ERMAP: variants seen among roughly 807,000 people sequenced by gnomAD.
ERMAP encodes the protein erythroblast membrane associated protein (Scianna blood group), also known as erythroid membrane-associated protein.
ERMAP carries 34 observed loss-of-function variants against 49.5 expected under a neutral mutation model. That is an observed-to-expected ratio of 0.69 (90% confidence interval 0.52 to 0.91). The LOEUF (loss-of-function observed/expected upper bound fraction) is 0.91. ERMAP is among the 40% of genes least tolerant of loss of function. The pLI is 0.00. For synonymous variants in ERMAP, 214 were observed against 232.2 expected, an observed-to-expected ratio of 0.92 and a Z score of 0.71; for missense variants, 541 against 582.6, an observed-to-expected ratio of 0.93 and a Z score of 0.74.
Position 42,819,168 on chromosome 1 carries a change from AGCGTGT to A in ERMAP, c.-122+1917_-122+1922del, listed in dbSNP as rs2124271484. ...ACGGTGAGGAAGAGGATAAGTTAGG[AGCGTGT>A]GTGTGTGTGTGTGTGTGTGTGTGTG... is the stretch of plus-strand genomic sequence containing the variant. On this transcript the variant is annotated intron_variant, in intron 1 of 11. Transcript: ENST00000372517. This position sits in a 1 kb window ranked among gnomAD's most constrained non-coding sequence, Gnocchi z 5.1. Among the ~76,000 whole-genome samples, 1 of 94,344 alleles carries A rather than the reference AGCGTGT, an allele frequency of 1.1e-5. No individual in the cohort carries two copies. The highest frequency in any genetic ancestry group is 1.3e-4 in the Admixed American group (1 of 7,416). The allele number at this position is 94,344 out of a possible 152,430, so 61.9% of individuals were successfully genotyped here.
At chr1:42,825,889 C>A in intron 2 of ERMAP, 151 bp downstream of exon 2, 1 of 929,940 alleles carries the variant, frequency 1.1e-6, no homozygotes, top group Non-Finnish European at 1.4e-6. Flanking sequence ...TAAAGAAACA[C>A]AAAAGGAGAC....
Position 42,843,036 on chromosome 1 carries a change from T to A in ERMAP, c.1232T>A (p.Ile411Asn). The stretch of plus-strand genomic sequence containing the variant: ...GGAAAAAACACAGCACCTCTAGTCA[T>A]TTGTTCAGAACTACACAAATCAGAG... ...DGGKNTAPLV[I>N]CSELHKSEES... The change falls in exon 12 of 12, where the codon ATT (isoleucine) becomes AAT (asparagine). Residue 411 changes from isoleucine to asparagine, a missense_variant. Ile to Asn is a moderately radical substitution (Grantham distance 149). Coordinates refer to ENST00000372517, the MANE Select transcript of ERMAP (RefSeq NM_001017922.2). 2 of 1,614,150 alleles carry A rather than the reference T, an allele frequency of 1.2e-6. No homozygotes were observed. The highest frequency in any genetic ancestry group is 1.7e-6 in the Non-Finnish European group (2 of 1,180,024).
Position 42,823,948 on chromosome 1 carries a change from T to G in ERMAP, c.-121-1675T>G, listed in dbSNP as rs192532669. ...ATGATGAATGTAGTTTTAACCTGGA[T>G]GATAGGGCCTCAGGGACTTCAAGTG... On this transcript the variant is annotated intron_variant, in intron 1 of 11. Transcript: ENST00000372517. 9.5e-4 allele frequency among the ~76,000 whole-genome samples: 144 copies of G among 152,328 alleles called. 1 individual carries two copies. Among genetic ancestry groups the G allele is most frequent in the Non-Finnish European group, 1.8e-3 (124 of 68,034 alleles).
chr1:42,829,337 C>A (rs1654645952), intron 2 of ERMAP, among the ~76,000 whole-genome samples: 1 of 152,234 alleles, frequency 6.6e-6, no homozygotes, highest in Non-Finnish European at 1.5e-5. Flanking sequence ...CCCTTTGACA[C>A]CCCCTCCGTG....
At chr1:42,839,448 TA>T (rs1236900659) in intron 8 of ERMAP, 1 of 167,342 alleles carries the variant, frequency 6.0e-6, no homozygotes, top group Non-Finnish European at 1.3e-5. Flanking sequence ...CCGTCTCTAT[TA>T]AAAATACAAA....
Position 42,830,933 on chromosome 1 carries a change from A to C in ERMAP, c.251A>C (p.Lys84Thr), listed in dbSNP as rs201143776. 152 of 1,614,082 alleles carry C rather than the reference A, an allele frequency of 9.4e-5. No individual in the cohort carries two copies. The highest frequency in any genetic ancestry group is 1.2e-4 in the Non-Finnish European group (145 of 1,180,036). ...GCTGTTCACATATTCCGGGATGGGA[A>C]GGACCAGGATGAAGATCTGATGCCG... The part of the protein sequence containing the change: ...SQAVHIFRDG[K>T]DQDEDLMPEY... Residue 84 changes from lysine (K) to threonine (T), a missense_variant, in exon 4 of 12, where the codon AAG becomes ACG. Transcript: ENST00000372517.
In ERMAP at chr1:42,843,866, G is replaced by A; in HGVS notation, c.*634G>A. On this transcript the variant is annotated 3_prime_UTR_variant, in exon 12 of 12. Transcript: ENST00000372517. The stretch of plus-strand genomic sequence containing the variant: ...TGTACATGCTTTCAAAAGCTAATCT[G>A]CCTGTTGATGGTAACTAGGTACAGC... 1 of 393,812 alleles carries A rather than the reference G, an allele frequency of 2.5e-6. No homozygotes were observed. Among genetic ancestry groups the A allele is most frequent in the Non-Finnish European group, 4.5e-6 (1 of 223,570 alleles). 24.4% of individuals were successfully genotyped at this position (393,812 alleles called of 1,614,324 possible).
intron 1 of ERMAP, 151 bp from the exon 2 acceptor site, chr1:42,825,472 C>A: frequency 1.7e-6 from 2 of 1,155,170 alleles, no homozygotes; most frequent in Non-Finnish European, 2.2e-6. Flanking sequence ...TGGGAGCCTC[C>A]TCTTTGCTCT....
At chr1:42,834,549 T>C in intron 4 of ERMAP, 1 of 287,164 alleles carries the variant, frequency 3.5e-6, no homozygotes, top group Non-Finnish European at 6.8e-6. Flanking sequence ...CAGTTTTTGT[T>C]TGTTTGTTTG....
chr1:42,840,346 A>T (rs1196569565), intron 11 of ERMAP, 50 bp downstream of exon 11: 1 of 1,610,948 alleles, frequency 6.2e-7, no homozygotes, highest in Non-Finnish European at 8.5e-7. Context: ...CTTCCTCCTT[A>T]TGGCTTTGTA....
chr1:42,830,782 G>T lies in ERMAP; in HGVS notation c.100G>T (p.Ala34Ser), dbSNP rs1183516227. Residue 34 changes from alanine to serine, a missense_variant, in exon 4 of 12, where the codon GCC becomes TCC. By Grantham distance (99) the Ala-to-Ser change is moderately conservative. Coordinates refer to ENST00000372517, the MANE Select transcript of ERMAP (RefSeq NM_001017922.2). ...TTTTTGTCCAGGCCACGCAGGGGAT[G>T]CCGGCAAGTTCCACGTGGCCCTACT... ...SVHVSGHAGD[A>S]GKFHVALLGG... The T allele has an allele frequency of 5.2e-6, 8 of 1,547,758 alleles. No homozygotes were observed. The highest frequency in any genetic ancestry group is 6.1e-6 in the Non-Finnish European group (7 of 1,146,064).
Position 42,843,059 on chromosome 1 carries a change from G to A in ERMAP, c.1255G>A (p.Glu419Lys). 3 of 1,614,182 alleles carry A rather than the reference G, an allele frequency of 1.9e-6. No individual in the cohort carries two copies. Among genetic ancestry groups the A allele is most frequent in the Non-Finnish European group, 2.5e-6 (3 of 1,180,026 alleles). ...LVICSELHKSEESIVPRPEGK... is the reference protein window; with the variant it reads ...LVICSELHKSKESIVPRPEGK... ...CATTTGTTCAGAACTACACAAATCAGAGGAATCAATTGTCCCCAGGCCAGA... is the reference window on the plus strand; with the variant it reads ...CATTTGTTCAGAACTACACAAATCAAAGGAATCAATTGTCCCCAGGCCAGA... The change falls in exon 12 of 12, where the codon GAG (glutamate) becomes AAG (lysine). Residue 419 changes from glutamate (E) to lysine (K), a missense_variant. Physicochemically the swap from Glu to Lys is moderately conservative, Grantham distance 56. Coordinates refer to ENST00000372517, the MANE Select transcript of ERMAP (RefSeq NM_001017922.2).
At chr1:42,829,739 C>A (rs1177878851) in intron 2 of ERMAP, among the ~76,000 whole-genome samples, 8 of 152,150 alleles carry the variant, frequency 5.3e-5, no homozygotes, top group Non-Finnish European at 1.2e-4. Flanking sequence ...CTTTTTGAAC[C>A]CTCACACTCA....
intron 9 of ERMAP, 46 bp from the exon 10 acceptor site, chr1:42,840,106 T>G: frequency 6.2e-7 from 1 of 1,614,204 alleles, no homozygotes; most frequent in Non-Finnish European, 8.5e-7. Flanking sequence ...CCTGTTGCCC[T>G]AATATTTGCA....
chr1:42,842,507 C>G lies in ERMAP; in HGVS notation c.713-10C>G. ...ACTTCCAAGCCTCACCTGTCTGTGT[C>G]TCTTTGCAGTGGCAGTGACCCTGGA... On this transcript the variant is annotated splice_polypyrimidine_tract_variant and intron_variant, in intron 11 of 11. Coordinates refer to ENST00000372517, the MANE Select transcript of ERMAP (RefSeq NM_001017922.2). 2 of 1,606,736 alleles carry G rather than the reference C, an allele frequency of 1.2e-6. No homozygotes were observed.
Position 42,843,846 on chromosome 1 carries a change from A to G in ERMAP, c.*614A>G, listed in dbSNP as rs149363495. On this transcript the variant is annotated 3_prime_UTR_variant, in exon 12 of 12. Transcript: ENST00000372517. Reference sequence around the variant, plus strand: ...TTGGTGATATCCAGAGCTAATGTACATGCTTTCAAAAGCTAATCTGCCTGT... The same window carrying G: ...TTGGTGATATCCAGAGCTAATGTACGTGCTTTCAAAAGCTAATCTGCCTGT... 5.1e-6 allele frequency: 2 copies of G among 390,406 alleles called. No individual in the cohort carries two copies. The highest frequency in any genetic ancestry group is 9.0e-6 in the Non-Finnish European group (2 of 221,400). The allele number at this position is 390,406 out of a possible 1,614,324, so 24.2% of individuals were successfully genotyped here. A position where few individuals can be genotyped will look rare whatever the true frequency, so the allele number is the denominator to read the frequency against.
chr1:42,835,666 G>A (rs1402931628), intron 5 of ERMAP, 66 bp from the exon 6 acceptor site: 5 of 1,600,568 alleles, frequency 3.1e-6, no homozygotes, highest in Non-Finnish European at 4.3e-6. Flanking sequence ...GGGGCATCTT[G>A]GGACACTTGT....
chr1:42,836,512 C>T (rs1654898918), intron 6 of ERMAP, among the ~76,000 whole-genome samples: 1 of 152,006 alleles, frequency 6.6e-6, no homozygotes, highest in South Asian at 2.1e-4. Context: ...TAGTCATTCT[C>T]GTAAGAGCAG....
chr1:42,823,655 T>G (rs748299779), intron 1 of ERMAP, among the ~76,000 whole-genome samples: 2 of 152,246 alleles, frequency 1.3e-5, no homozygotes, highest in Non-Finnish European at 2.9e-5. Flanking sequence ...AGCGATTACT[T>G]CAGCTCACAA....
Sources: allele counts gnomAD v4.1 joint callset (sites outside exome capture counted in the v4.1 genomes callset), GRCh38; gene constraint gnomAD v4.1.1; non-coding constraint Gnocchi (gnomAD v3.1); transcripts MANE v1.5; gene names NCBI Gene and HGNC (gene_info 2026-07-23, HGNC 2026-07-21).